Variants in MYOC observed in about 807,000 individuals in gnomAD.
The protein encoded by MYOC is juvenile-onset open-angle glaucoma 1.
Under a neutral mutation model 28.2 loss-of-function variants are expected in MYOC, and 29 were observed. The observed-to-expected ratio is 1.03, with a 90% CI of 0.77 to 1.40. The LOEUF (loss-of-function observed/expected upper bound fraction) is 1.40. MYOC is among the 40% of genes most tolerant of loss of function. The probability of loss-of-function intolerance (pLI) is 0.00; values close to 1 mark genes in which losing one functional copy is unlikely to be tolerated. For synonymous variants in MYOC, 240 were observed against 245.6 expected (o/e 0.98, Z 0.21); for missense variants, 569 against 620.6 (o/e 0.92, Z 0.88).
At position 171,636,091 on chromosome 1, in the gene MYOC, T is replaced by G; in HGVS notation, c.1349A>C (p.Asn450Thr). ...ACCTGTGCCTGTGTCATAAGCAAAG[T>G]TGACGGTAGCATCTGCTGAGGTGTA... ...SSYTSADATV[N>T]FAYDTGTGIS... is the part of the protein sequence containing the mutation. Residue 450 changes from asparagine to threonine, a missense_variant, in exon 3 of 3, where the codon AAC becomes ACC. Physicochemically the swap from Asn to Thr is moderately conservative, Grantham distance 65. Transcript: ENST00000037502. 6.2e-7 allele frequency: 1 copy of G among 1,614,182 alleles called. No homozygotes were observed. Among genetic ancestry groups the G allele is most frequent in the South Asian group, 1.1e-5 (1 of 91,078 alleles).
At chr1:171,637,325 G>A (rs1255093237) in intron 2 of MYOC, among the ~76,000 whole-genome samples, 2 of 152,188 alleles carry the variant, frequency 1.3e-5, no homozygotes, top group African/African-American at 4.8e-5. Flanking sequence ...TTCAAGCCCT[G>A]ATGAGTCACA....
chr1:171,651,348 C>CACA (rs1222514536), intron 1 of MYOC, among the ~76,000 whole-genome samples: 6 of 146,302 alleles, frequency 4.1e-5, no homozygotes, highest in South Asian at 2.2e-4. Context: ...CCCGCACCCC[C>CACA]CCCACACACA....
At chr1:171,645,791 T>C (rs1219283981) in intron 1 of MYOC, among the ~76,000 whole-genome samples, 1 of 152,214 alleles carries the variant, frequency 6.6e-6, no homozygotes, top group African/African-American at 2.4e-5. Context: ...TATCAGTTCT[T>C]CTACCCTCAC....
intron 1 of MYOC, among the ~76,000 whole-genome samples, chr1:171,648,993 A>AT (rs536572275): frequency 3.3e-5 from 5 of 150,920 alleles, no homozygotes; most frequent in Admixed American, 6.6e-5. Flanking sequence ...GGCTAATTGT[A>AT]TTTTTTTTCT....
In MYOC at chr1:171,652,622, T is replaced by C; in HGVS notation, c.-11A>G. 1 of 1,613,902 alleles carries C rather than the reference T, an allele frequency of 6.2e-7. No individual in the cohort carries two copies. Among genetic ancestry groups the C allele is most frequent in the South Asian group, 1.1e-5 (1 of 91,066 alleles). On this transcript the variant is annotated 5_prime_UTR_variant, in exon 1 of 3. Coordinates refer to ENST00000037502, the MANE Select transcript of MYOC (RefSeq NM_000261.2). ...ACAGAAGAACCTCATTGCAGAGGCT[T>C]GGTGAGGCTTCCTCTGGAAAGCTCT... is the stretch of plus-strand genomic sequence containing the variant.
intron 1 of MYOC, among the ~76,000 whole-genome samples, chr1:171,650,174 G>A (rs990354471): frequency 3.3e-5 from 5 of 151,638 alleles, no homozygotes; most frequent in Admixed American, 3.3e-4. Flanking sequence ...AAAAAAAAAG[G>A]CAAAACATTG....
intron 1 of MYOC, among the ~76,000 whole-genome samples, chr1:171,644,276 G>GTT (rs1293284211): frequency 1.3e-5 from 2 of 151,086 alleles, no homozygotes; most frequent in African/African-American, 2.4e-5. Flanking sequence ...TTTTTTTTAG[G>GTT]TTTTTAAAAA....
Position 171,652,341 on chromosome 1 carries a change from G to A in MYOC, c.271C>T (p.Arg91Ter), listed in dbSNP as rs143413116. The A allele has an allele frequency of 1.2e-5, 20 of 1,609,984 alleles. No homozygotes were observed. The highest frequency in any genetic ancestry group is 1.7e-4 in the Middle Eastern group (1 of 6,040). The change falls in exon 1 of 3, where the codon CGA becomes TGA. Residue 91 changes from arginine (R) to a stop codon, truncating the protein, a stop_gained. Transcript: ENST00000037502. LOFTEE classifies it high-confidence loss of function. ...AGGAGGCTCTCCAGGGAGCTGAGTC[G>A]AGCTTTGGTGGCCTCCAGGTCTAAG... ...QRLDLEATKARLSSLESLLHQ... is the reference protein window; with the variant it reads ...QRLDLEATKA
chr1:171,638,225 TC>T (rs1309134542), intron 2 of MYOC, among the ~76,000 whole-genome samples: 4 of 152,286 alleles, frequency 2.6e-5, no homozygotes, highest in Non-Finnish European at 5.9e-5. Context: ...TGTATACCTG[TC>T]CCTAAAATAA....
rs564389830 is a variant in MYOC at position 171,636,909 on chromosome 1, C to T, written c.731-200G>A. Among the ~76,000 whole-genome samples, 8 of 152,168 alleles carry T rather than the reference C, an allele frequency of 5.3e-5. No individual in the cohort carries two copies. In the South Asian group the frequency reaches 1.4e-3, roughly 28 times the overall value. On this transcript the variant is annotated intron_variant, in intron 2 of 2. Coordinates refer to ENST00000037502, the MANE Select transcript of MYOC (RefSeq NM_000261.2). ...ACTTAGCTCTCTACGCCTCAGTTAT[C>T]GCATTTGTAAAAGGGGATACTAATA...
chr1:171,640,339 G>A (rs1163639062), intron 1 of MYOC, among the ~76,000 whole-genome samples: 1 of 152,108 alleles, frequency 6.6e-6, no homozygotes, highest in Non-Finnish European at 1.5e-5. Flanking sequence ...AAGTGATCAT[G>A]GTGTGCTACA....
intron 1 of MYOC, among the ~76,000 whole-genome samples, chr1:171,641,477 G>A (rs1653075849): frequency 6.6e-6 from 1 of 152,178 alleles, no homozygotes; most frequent in African/African-American, 2.4e-5. Flanking sequence ...CAGGCCCTGG[G>A]TGATTAGGTC....
chr1:171,637,377 T>C (rs765080578), intron 2 of MYOC, among the ~76,000 whole-genome samples: 1 of 152,166 alleles, frequency 6.6e-6, no homozygotes, highest in Non-Finnish European at 1.5e-5. Context: ...TGAAAATAAT[T>C]ATTTTTTGAG....
chr1:171,644,552 C>G (rs1653152862), intron 1 of MYOC, among the ~76,000 whole-genome samples: 1 of 147,924 alleles, frequency 6.8e-6, no homozygotes, highest in African/African-American at 2.5e-5. Context: ...AAAGTATGTA[C>G]TGGCTTTGCA....
chr1:171,651,869 T>C lies in MYOC; in HGVS notation c.604+139A>G, dbSNP rs1013164326. ...AATACTTGAAGGTGATCGCTGTGCT[T>C]TCCTTAATTCATCTGTCTTGTGCTA... On this transcript the variant is annotated intron_variant, in intron 1 of 2. Transcript: ENST00000037502. The C allele has an allele frequency of 3.2e-6, 4 of 1,244,608 alleles. No individual in the cohort carries two copies. The African/African-American group carries it at 5.9e-5, about 18-fold the overall frequency. The allele number at this position is 1,244,608 out of a possible 1,614,324, so 77.1% of individuals were successfully genotyped here. A position where few individuals can be genotyped will look rare whatever the true frequency, so the allele number is the denominator to read the frequency against.
Position 171,652,175 on chromosome 1 carries a change from A to G in MYOC, c.437T>C (p.Leu146Pro). 2 of 1,613,936 alleles carry G rather than the reference A, an allele frequency of 1.2e-6. No homozygotes were observed. The change falls in exon 1 of 3, where the codon CTC becomes CCC. Residue 146 changes from leucine to proline, a missense_variant. By Grantham distance (98) the Leu-to-Pro change is moderately conservative (BLOSUM62 -3). Transcript: ENST00000037502. ...RELETAYSNL[L>P]RDKSVLEEEK... Reference sequence around the variant, plus strand: ...TTCCTCCAGAACTGACTTGTCTCGGAGGAGGTTGCTGTAGGCAGTCTCCAA... The same window carrying G: ...TTCCTCCAGAACTGACTTGTCTCGGGGGAGGTTGCTGTAGGCAGTCTCCAA...
intron 1 of MYOC, 65 bp downstream of exon 1, chr1:171,651,943 T>G (rs1238176216): frequency 7.4e-6 from 12 of 1,611,766 alleles, no homozygotes; most frequent in Admixed American, 5.0e-5. Flanking sequence ...CTGGAGCGCC[T>G]GTAGCAGGTC....
At chr1:171,651,226 C>G (rs947377755) in intron 1 of MYOC, among the ~76,000 whole-genome samples, 3 of 152,050 alleles carry the variant, frequency 2.0e-5, no homozygotes, top group Non-Finnish European at 2.9e-5. Context: ...TGCTTATTTC[C>G]TCATGATTAG....
chr1:171,652,240 C>T lies in MYOC; in HGVS notation c.372G>A (p.Leu124=). The part of the protein sequence containing the change: ...QEGLQRELGT[L]RRERDQLETQ... ...TTTCCAGCTGGTCCCGCTCCCGCCT[C>T]AGGGTGCCCAGCTCCCTCTGCAGCC... is the stretch of plus-strand genomic sequence containing the variant. Residue 124 remains leucine (L), a synonymous_variant, in exon 1 of 3, where the codon CTG becomes CTA. Transcript: ENST00000037502. 1.9e-6 allele frequency: 3 copies of T among 1,614,256 alleles called. No individual in the cohort carries two copies. Among genetic ancestry groups the T allele is most frequent in the African/African-American group, 1.3e-5 (1 of 75,074 alleles).
Sources: gnomAD v4.1 joint callset for allele counts (sites outside exome capture counted in the v4.1 genomes callset) on GRCh38, gnomAD v4.1.1 for gene constraint, MANE v1.5 for transcripts, NCBI Gene and HGNC (gene_info 2026-07-23, HGNC 2026-07-21) for gene names.